The following SACS variants were observed in gnomAD, a reference collection of about 807,000 sequenced individuals.
SACS encodes the protein sacsin molecular chaperone.
Under a neutral mutation model 348.0 loss-of-function variants are expected in SACS, and 197 were observed. The observed-to-expected ratio is 0.57, with a 90% CI of 0.50 to 0.64. The LOEUF is 0.64. Ranked by LOEUF, SACS falls within the 30% of genes least tolerant of loss-of-function variation. The pLI is 0.00. For missense variants in SACS, 4,999 were observed against 5,360.8 expected (o/e 0.93, Z 2.11); for synonymous variants, 1,985 against 1,910.6 (o/e 1.04, Z -1.02).
chr13:23,329,703 TGACA>T lies in SACS; in HGVS notation c.*429_*432del. On this transcript the variant is annotated 3_prime_UTR_variant, in exon 10 of 10. Transcript: ENST00000382292. ...ATCCAAGAGGATCCACTTAAAAAAA[TGACA>T]GACTACAAAGACTTAATTCCCCTTA... The T allele has an allele frequency of 2.0e-6, 1 of 511,390 alleles. No homozygotes were observed. Among genetic ancestry groups the T allele is most frequent in the East Asian group, 3.2e-5 (1 of 31,034 alleles). 31.7% of individuals were successfully genotyped at this position (511,390 alleles called of 1,614,324 possible). A position where few individuals can be genotyped will look rare whatever the true frequency, so the allele number is the denominator to read the frequency against.
Position 23,340,240 on chromosome 13 carries a change from T to A in SACS, c.3636A>T (p.Ala1212=). ...VESIHVNLEK[A]LGIFTKPSLS... ...GGCTAGGTTTTGTGAAGATCCCTAATGCTTTTTCCAGGTTTACATGGATAC... is the reference window on the plus strand; with the variant it reads ...GGCTAGGTTTTGTGAAGATCCCTAAAGCTTTTTCCAGGTTTACATGGATAC... The change falls in exon 10 of 10, where the codon GCA becomes GCT. Residue 1212 remains alanine, a synonymous_variant. Coordinates refer to ENST00000382292, the MANE Select transcript of SACS (RefSeq NM_014363.6). 6.2e-7 allele frequency: 1 copy of A among 1,611,084 alleles called. No individual in the cohort carries two copies. Among genetic ancestry groups the A allele is most frequent in the Non-Finnish European group, 8.5e-7 (1 of 1,178,266 alleles).
intron 1 of SACS, among the ~76,000 whole-genome samples, chr13:23,421,581 G>A (rs1291730277): frequency 6.6e-6 from 1 of 152,074 alleles, no homozygotes; most frequent in African/African-American, 2.4e-5. Context: ...CTGTGGGATG[G>A]CTGTCCACCT....
chr13:23,333,348 A>T lies in SACS; in HGVS notation c.10528T>A (p.Leu3510Ile), dbSNP rs1310922085. 6.3e-7 allele frequency: 1 copy of T among 1,598,546 alleles called. No homozygotes were observed. Among genetic ancestry groups the T allele is most frequent in the East Asian group, 2.2e-5 (1 of 44,758 alleles). ...AAAAGTTGTTCCTTAATCTCTGATA[A>T]TTCCTCAGCACTTGATAATCTATTC... The part of the protein sequence containing the change: ...LKNRLSSAEE[L>I]SEIKEQLFEK... Residue 3510 changes from leucine to isoleucine, a missense_variant, in exon 10 of 10, where the codon TTA (leucine) becomes ATA (isoleucine). Coordinates refer to ENST00000382292, the MANE Select transcript of SACS (RefSeq NM_014363.6).
At chr13:23,425,461 TGTCCAGTGTCCACCTAGA>T (rs1458014109) in intron 1 of SACS, among the ~76,000 whole-genome samples, 1 of 152,026 alleles carries the variant, frequency 6.6e-6, no homozygotes, top group East Asian at 1.9e-4. Flanking sequence ...TGGTGTCTGA[TGTCCAGTGTCCACCTAGA>T]GTCCAGTGTC....
In SACS at chr13:23,333,052, A is replaced by G. The variant is rs565066396; in HGVS notation, c.10824T>C (p.Ser3608=). The G allele has an allele frequency of 3.1e-6, 5 of 1,613,976 alleles. No individual in the cohort carries two copies. In the African/African-American group the frequency reaches 6.7e-5, roughly 22 times the overall value. The part of the protein sequence containing the change: ...QQLLQFAKEI[S]VRANTENWSK... ...ACCAGTTTTCTGTATTAGCCCTCACACTGATTTCCTTAGCAAACTGTAACA... is the reference window on the plus strand; with the variant it reads ...ACCAGTTTTCTGTATTAGCCCTCACGCTGATTTCCTTAGCAAACTGTAACA... Residue 3608 remains serine (S), a synonymous_variant, in exon 10 of 10, where the codon AGT becomes AGC. Coordinates refer to ENST00000382292, the MANE Select transcript of SACS (RefSeq NM_014363.6).
At position 23,391,388 on chromosome 13, in the gene SACS, C is replaced by G. The variant is rs180739289; in HGVS notation, c.21-16119G>C. 1.3e-4 allele frequency among the ~76,000 whole-genome samples: 20 copies of G among 152,326 alleles called. No homozygotes were observed. The East Asian group carries it at 3.9e-3, about 29-fold the overall frequency. ...GGCTCAGGTTGGCCTCTTTGGGCAA[C>G]AGGGCTGTGGTCACTTTGGTTGCAG... On this transcript the variant is annotated intron_variant, in intron 2 of 9. Transcript: ENST00000382292.
Position 23,347,738 on chromosome 13 carries a change from C to G in SACS, c.2185+6047G>C, listed in dbSNP as rs929680053. Among the ~76,000 whole-genome samples the G allele has an allele frequency of 5.1e-4, 77 of 152,206 alleles. 1 individual carries two copies. Among genetic ancestry groups the G allele is most frequent in the African/African-American group, 1.8e-3 (75 of 41,526 alleles). ...CCATGGAGAACAGAGCATGGAAGCA[C>G]ACATGGGTTGCATGAAAGATGAGCA... On this transcript the variant is annotated intron_variant, in intron 9 of 9. Transcript: ENST00000382292.
Position 23,336,777 on chromosome 13 carries a change from C to A in SACS, c.7099G>T (p.Ala2367Ser). ...GGCAACTGATAAAGGTATGGTGCCG[C>A]CTCAAAATTTAAATGAAAAGAAACC... The part of the protein sequence containing the change: ...EKVSFHLNFE[A>S]APYLYQLPNK... Residue 2367 changes from alanine (A) to serine (S), a missense_variant, in exon 10 of 10, where the codon GCG becomes TCG. Physicochemically the swap from Ala to Ser is moderately conservative, Grantham distance 99 (BLOSUM62 1). Transcript: ENST00000382292. 1 of 1,613,800 alleles carries A rather than the reference C, an allele frequency of 6.2e-7. No individual in the cohort carries two copies. Among genetic ancestry groups the A allele is most frequent in the South Asian group, 1.1e-5 (1 of 91,046 alleles).
At position 23,341,203 on chromosome 13, in the gene SACS, T is replaced by G; in HGVS notation, c.2673A>C (p.Gln891His). The G allele has an allele frequency of 6.2e-7, 1 of 1,613,856 alleles. No homozygotes were observed. ...EKMPLQKLCN[Q>H]ITSLLPTHKD... ...TGTGTGTTGGAAGTAGCGAAGTTATTTGATTACACAATTTCTGCAATGGCA... is the reference window on the plus strand; with the variant it reads ...TGTGTGTTGGAAGTAGCGAAGTTATGTGATTACACAATTTCTGCAATGGCA... The change falls in exon 10 of 10, where the codon CAA (glutamine) becomes CAC (histidine). Residue 891 changes from glutamine (Q) to histidine (H), a missense_variant. By Grantham distance (24) the Gln-to-His change is conservative (BLOSUM62 0). Around this residue, in one of 6 missense-constraint regions of SACS, gnomAD observed 3,156 missense variants for 3,380.1 expected, o/e 0.93. Transcript: ENST00000382292.
intron 3 of SACS, among the ~76,000 whole-genome samples, chr13:23,372,188 C>T (rs968633611): frequency 6.6e-6 from 1 of 152,076 alleles, no homozygotes; most frequent in African/African-American, 2.4e-5. Context: ...AGTGGGAATA[C>T]GTGCATGAAA....
At position 23,332,110 on chromosome 13, in the gene SACS, T is replaced by C. The variant is rs1593121687; in HGVS notation, c.11766A>G (p.Leu3922=). Residue 3922 remains leucine, a synonymous_variant, in exon 10 of 10, where the codon TTA becomes TTG. Transcript: ENST00000382292. ...QDGRLVKSSI[L]VFDDAPHYKS... ...TATAATGTGGCGCATCGTCAAACAC[T>C]AAGATGCTTGACTTTACCAATCTAC... 6.2e-7 allele frequency: 1 copy of C among 1,614,064 alleles called. No individual in the cohort carries two copies.
rs1593119067 is a variant in SACS at position 23,330,370 on chromosome 13, T to C, written c.13506A>G (p.Pro4502=). Residue 4502 remains proline (P), a synonymous_variant, in exon 10 of 10, where the codon CCA becomes CCG. Transcript: ENST00000382292. ...CCTCTATTTTCTGAGCAAGTGCAGT[T>C]GGTTTTACATCTTTATCAGACTTTC... The part of the protein sequence containing the change: ...VRGKSDKDVK[P]TALAQKIEEY... 1.2e-5 allele frequency: 20 copies of C among 1,614,056 alleles called. No homozygotes were observed. Among genetic ancestry groups the C allele is most frequent in the Non-Finnish European group, 1.5e-5 (18 of 1,180,028 alleles).
chr13:23,403,637 C>T (rs1873078560), intron 2 of SACS, among the ~76,000 whole-genome samples: 1 of 152,016 alleles, frequency 6.6e-6, no homozygotes, highest in African/African-American at 2.4e-5. Flanking sequence ...TGATTCTTCT[C>T]TCCTTTCTTT....
chr13:23,381,392 C>T (rs1872051915), intron 2 of SACS, among the ~76,000 whole-genome samples: 1 of 148,000 alleles, frequency 6.8e-6, no homozygotes, highest in Non-Finnish European at 1.5e-5. Flanking sequence ...CACACACACA[C>T]ACAGGCAAAC....
At position 23,339,656 on chromosome 13, in the gene SACS, T is replaced by C; in HGVS notation, c.4220A>G (p.Asp1407Gly). Reference sequence around the variant, plus strand: ...AGAATCTTCAAGTAAGTCATTAAGGTCATCAACTTTAATGTCACAATAACA... The same window carrying C: ...AGAATCTTCAAGTAAGTCATTAAGGCCATCAACTTTAATGTCACAATAACA... ...ECCYCDIKVD[D>G]LNDLLEDSVE... is the part of the protein sequence containing the mutation. The change falls in exon 10 of 10, where the codon GAC becomes GGC. Residue 1407 changes from aspartate (D) to glycine (G), a missense_variant. This residue lies in a region of SACS where 3,156 missense variants were observed against 3,380.1 expected (regional missense o/e 0.93). Transcript: ENST00000382292. 1 of 1,613,676 alleles carries C rather than the reference T, an allele frequency of 6.2e-7. No individual in the cohort carries two copies. Among genetic ancestry groups the C allele is most frequent in the Non-Finnish European group, 8.5e-7 (1 of 1,179,756 alleles).
In SACS at chr13:23,330,967, T is replaced by C. The variant is rs766310291; in HGVS notation, c.12909A>G (p.Leu4303=). 1.2e-5 allele frequency: 20 copies of C among 1,614,068 alleles called. No homozygotes were observed. The highest frequency in any genetic ancestry group is 3.3e-5 in the Admixed American group (2 of 60,002). ...QSPKKLKVNS[L]PEILKEVTSV... is the part of the protein sequence containing the mutation. ...ATGTCACTTCTTTTAAGATTTCTGGTAAAGAATTAACCTTAAGCTTTTTGG... is the reference window on the plus strand; with the variant it reads ...ATGTCACTTCTTTTAAGATTTCTGGCAAAGAATTAACCTTAAGCTTTTTGG... Residue 4303 remains leucine, a synonymous_variant, in exon 10 of 10, where the codon TTA becomes TTG. Transcript: ENST00000382292.
rs777869317 is a variant in SACS, at chr13:23,338,281, T to G, written c.5595A>C (p.Pro1865=). ...AATAGCAAAACACCTCTCCAATGTG[T>G]GGTTTCACTGTCCACTTCTGGTCCT... ...EIQDQKWTVK[P]HIGEVFCYLP... Residue 1865 remains proline (P), a synonymous_variant, in exon 10 of 10, where the codon CCA becomes CCC. Transcript: ENST00000382292. 3.7e-6 allele frequency: 6 copies of G among 1,614,030 alleles called. No homozygotes were observed. In the Admixed American group the frequency reaches 5.0e-5, roughly 13 times the overall value.
At chr13:23,402,574 A>G (rs1163168615) in intron 2 of SACS, among the ~76,000 whole-genome samples, 1 of 152,246 alleles carries the variant, frequency 6.6e-6, no homozygotes, top group Non-Finnish European at 1.5e-5. Flanking sequence ...AACTTTGGTC[A>G]TATGACAAAG....
At position 23,398,534 on chromosome 13, in the gene SACS, CA is replaced by C. The variant is rs59868515; in HGVS notation, c.20+12685del. Among the ~76,000 whole-genome samples, 425 of 102,168 alleles carry C rather than the reference CA, an allele frequency of 4.2e-3. 3 individuals are homozygous for C. The highest frequency in any genetic ancestry group is 0.013 in the African/African-American group (310 of 23,578). The allele number at this position is 102,168 out of a possible 152,430, so 67.0% of individuals were successfully genotyped here. ...GGGCGACAAGAGTGAAACTCCGTCTCAAAAAAAAAAAAAAAAAGAAATACAC... is the reference window on the plus strand; with the variant it reads ...GGGCGACAAGAGTGAAACTCCGTCTCAAAAAAAAAAAAAAAAGAAATACAC... On this transcript the variant is annotated intron_variant, in intron 2 of 9. Coordinates refer to ENST00000382292, the MANE Select transcript of SACS (RefSeq NM_014363.6).
Sources: allele counts gnomAD v4.1 joint callset (sites outside exome capture counted in the v4.1 genomes callset), GRCh38; gene constraint gnomAD v4.1.1; regional missense constraint gnomAD v4.1.1; transcripts MANE v1.5; gene names NCBI Gene and HGNC (gene_info 2026-07-23, HGNC 2026-07-21).